DGLUCY: variants seen among roughly 807,000 people sequenced by gnomAD.
DGLUCY encodes D-glutamate cyclase, mitochondrial.
Under a neutral mutation model 58.5 loss-of-function variants are expected in DGLUCY, and 58 were observed. The observed-to-expected ratio is 0.99, with a 90% CI of 0.80 to 1.23. DGLUCY has a LOEUF of 1.23. Among genes scored for constraint, DGLUCY ranks in the 50% most tolerant of loss-of-function variants. The probability of loss-of-function intolerance (pLI) is 0.00; values close to 1 mark genes in which losing one functional copy is unlikely to be tolerated. For synonymous variants in DGLUCY, 325 were observed against 314.1 expected (o/e 1.03, Z -0.37); for missense variants, 779 against 784.7 (o/e 0.99, Z 0.09).
chr14:91,146,056 A>G (rs1451265252), intron 1 of DGLUCY, among the ~76,000 whole-genome samples: 1 of 152,038 alleles, frequency 6.6e-6, no homozygotes, highest in African/African-American at 2.4e-5. Flanking sequence ...ATATTTTTGT[A>G]GAGACAGGGT....
chr14:91,197,131 T>G (rs144637967), intron 10 of DGLUCY, among the ~76,000 whole-genome samples: 1,701 of 152,220 alleles, frequency 0.011, 21 homozygotes, highest in Admixed American at 0.023. Flanking sequence ...CACACCCAGC[T>G]AATTTTTCTA....
At chr14:91,075,341 C>T (rs2044002512) in intron 1 of DGLUCY, among the ~76,000 whole-genome samples, 1 of 152,078 alleles carries the variant, frequency 6.6e-6, no homozygotes, top group African/African-American at 2.4e-5. Context: ...CAAGGTTACA[C>T]CATGTTGGCC....
In DGLUCY at chr14:91,135,504, G is replaced by T. The variant is rs2046272237; in HGVS notation, c.-82+21221G>T. On this transcript the variant is annotated intron_variant, in intron 1 of 13. Coordinates refer to ENST00000256324, the MANE Select transcript of DGLUCY (RefSeq NM_001102368.3). Reference sequence around the variant, plus strand: ...GTCTCTACTAAAAATACAAAAATTAGCCAGGCATGGTGGCGCATGCCTATA... The same window carrying T: ...GTCTCTACTAAAAATACAAAAATTATCCAGGCATGGTGGCGCATGCCTATA... Among the ~76,000 whole-genome samples, 10 of 152,044 alleles carry T rather than the reference G, an allele frequency of 6.6e-5. No homozygotes were observed. In the South Asian group the frequency reaches 2.1e-3, roughly 32 times the overall value.
intron 11 of DGLUCY, 89 bp downstream of exon 11, chr14:91,199,994 A>T: frequency 6.5e-7 from 1 of 1,529,462 alleles, no homozygotes; most frequent in East Asian, 2.3e-5. Context: ...TTGCTCTGTC[A>T]CCCAGGCTGG....
chr14:91,200,772 A>G (rs1373976405), intron 11 of DGLUCY, among the ~76,000 whole-genome samples: 2 of 152,144 alleles, frequency 1.3e-5, no homozygotes, highest in African/African-American at 4.8e-5. Flanking sequence ...AAGAGAGTCC[A>G]CAAACAGGCT....
At chr14:91,101,299 GC>G (rs2044482265) in intron 1 of DGLUCY, among the ~76,000 whole-genome samples, 1 of 152,056 alleles carries the variant, frequency 6.6e-6, no homozygotes, top group Non-Finnish European at 1.5e-5. Context: ...TTCACCCTTA[GC>G]CCCCTCCCCG....
intron 11 of DGLUCY, among the ~76,000 whole-genome samples, chr14:91,200,197 T>C (rs1279235477): frequency 6.6e-6 from 1 of 152,146 alleles, no homozygotes; most frequent in Non-Finnish European, 1.5e-5. Flanking sequence ...TCAAGTGATC[T>C]ACCCACCTCA....
intron 1 of DGLUCY, among the ~76,000 whole-genome samples, chr14:91,153,148 A>G (rs892714187): frequency 5.9e-5 from 9 of 152,070 alleles, no homozygotes; most frequent in African/African-American, 1.9e-4. Flanking sequence ...TGTGAGCCAC[A>G]TGCTCTGCCC....
chr14:91,179,388 C>T (rs915395538), intron 7 of DGLUCY, among the ~76,000 whole-genome samples: 2 of 151,482 alleles, frequency 1.3e-5, no homozygotes, highest in South Asian at 2.1e-4. Flanking sequence ...AGTTTGAGGC[C>T]GCAGTGAGCT....
At chr14:91,146,967 G>A (rs1008660554) in intron 1 of DGLUCY, among the ~76,000 whole-genome samples, 4 of 151,966 alleles carry the variant, frequency 2.6e-5, no homozygotes, top group Admixed American at 2.6e-4. Context: ...CCTGGGGCCT[G>A]TCAGCTGCAC....
intron 1 of DGLUCY, among the ~76,000 whole-genome samples, chr14:91,093,083 CAAAA>C (rs1157463939): frequency 1.7e-5 from 1 of 57,714 alleles, no homozygotes; most frequent in Admixed American, 1.9e-4. Flanking sequence ...AACTCAGTCT[CAAAA>C]AAAAAAAAAA....
intron 1 of DGLUCY, among the ~76,000 whole-genome samples, chr14:91,063,993 G>A (rs1342598469): frequency 6.6e-6 from 1 of 152,210 alleles, no homozygotes; most frequent in East Asian, 1.9e-4. Flanking sequence ...AGTAGAGATG[G>A]AGAGAAATGG....
Position 91,204,838 on chromosome 14 carries a change from A to T in DGLUCY, c.1564+13A>T. Reference sequence around the variant, plus strand: ...GCCGTCATTGCTGGTGAGCACTCGGATGGCCGCCCAGTCCGGCCGGCTACC... The same window carrying T: ...GCCGTCATTGCTGGTGAGCACTCGGTTGGCCGCCCAGTCCGGCCGGCTACC... On this transcript the variant is annotated intron_variant, in intron 12 of 13. Transcript: ENST00000256324. 1 of 1,613,846 alleles carries T rather than the reference A, an allele frequency of 6.2e-7. No individual in the cohort carries two copies. Among genetic ancestry groups the T allele is most frequent in the South Asian group, 1.1e-5 (1 of 91,060 alleles).
In DGLUCY at chr14:91,131,213, A is replaced by C. The variant is rs565140312; in HGVS notation, c.-82+16930A>C. ...GATCTTCCTGTCTTGGCCTTCCAAA[A>C]TGCTAGGATTATAGACACGGAATAT... is the stretch of plus-strand genomic sequence containing the variant. On this transcript the variant is annotated intron_variant, in intron 1 of 13. Transcript: ENST00000256324. 7.9e-5 allele frequency among the ~76,000 whole-genome samples: 12 copies of C among 152,266 alleles called. 1 individual carries two copies. In the South Asian group the frequency reaches 1.0e-3, roughly 13 times the overall value.
intron 7 of DGLUCY, among the ~76,000 whole-genome samples, chr14:91,177,198 G>A (rs530115108): frequency 6.6e-6 from 1 of 152,114 alleles, no homozygotes; most frequent in Non-Finnish European, 1.5e-5. Context: ...ATGGGGTCTT[G>A]TTACAATGTC....
intron 1 of DGLUCY, chr14:91,115,027 T>C (rs2140109115): frequency 6.6e-6 from 1 of 152,482 alleles, no homozygotes; most frequent in East Asian, 1.9e-4. Context: ...TCTAGGATTA[T>C]CTGTACTTCC....
At chr14:91,161,732 G>A (rs1464454490) in intron 3 of DGLUCY, among the ~76,000 whole-genome samples, 3 of 152,022 alleles carry the variant, frequency 2.0e-5, no homozygotes, top group African/African-American at 4.8e-5. Context: ...AGTCAATAGG[G>A]AAGGGGCTAC....
At chr14:91,110,723 A>G (rs1210083244), upstream of DGLUCY, among the ~76,000 whole-genome samples, 1 of 152,114 alleles carries the variant, frequency 6.6e-6, no homozygotes, top group Non-Finnish European at 1.5e-5. Context: ...GGTGTGAACC[A>G]CTGTGCCCGG....
chr14:91,196,543 C>T, intron 10 of DGLUCY, 69 bp downstream of exon 10: 1 of 1,309,760 alleles, frequency 7.6e-7, no homozygotes, highest in South Asian at 1.2e-5. Flanking sequence ...ACTTAGCCAA[C>T]AAAGTGTCTG....
Sources: allele counts gnomAD v4.1 joint callset (sites outside exome capture counted in the v4.1 genomes callset), GRCh38; gene constraint gnomAD v4.1.1; transcripts MANE v1.5; gene names NCBI Gene and HGNC (gene_info 2026-07-23, HGNC 2026-07-21).